Variants in GNAQ observed in about 807,000 individuals in gnomAD.
GNAQ encodes G protein subunit alpha q, also known as guanine nucleotide-binding protein G(q) subunit alpha.
In GNAQ, 8 loss-of-function variants were observed where a neutral mutation model predicts 43.9. The observed-to-expected ratio is 0.18, with a 90% CI of 0.11 to 0.33. The LOEUF (loss-of-function observed/expected upper bound fraction) is 0.33, where lower values mean the gene tolerates loss of function less well. GNAQ is among the 10% of genes least tolerant of loss of function. The pLI is 1.00. For synonymous variants in GNAQ, 155 were observed against 170.7 expected (o/e 0.91, Z 0.71); for missense variants, 158 against 450.8 (o/e 0.35, Z 5.88).
At chr9:77,888,181 A>G (rs1009850948) in intron 2 of GNAQ, among the ~76,000 whole-genome samples, 1 of 152,216 alleles carries the variant, frequency 6.6e-6, no homozygotes, top group Non-Finnish European at 1.5e-5. Context: ...TTAATTTCCA[A>G]TAACATAAAT....
At chr9:77,793,018 AT>A (rs1826600744) in intron 5 of GNAQ, among the ~76,000 whole-genome samples, 1 of 151,456 alleles carries the variant, frequency 6.6e-6, no homozygotes, top group African/African-American at 2.4e-5. Context: ...CCCTCAAAAT[AT>A]TTTTTTGTCT....
rs758736502 is a variant in GNAQ, at chr9:77,991,153, T to C, written c.136+39947A>G. On this transcript the variant is annotated intron_variant, in intron 1 of 6. Transcript: ENST00000286548. ...GTTTGAGCATATTTGCCATTTACAA[T>C]TGACATATCATTTGTTCACTCAGAG... Among the ~76,000 whole-genome samples, 9 of 152,320 alleles carry C rather than the reference T, an allele frequency of 5.9e-5. No homozygotes were observed. The South Asian group carries it at 1.2e-3, about 21-fold the overall frequency.
intron 1 of GNAQ, among the ~76,000 whole-genome samples, chr9:78,021,639 C>T (rs1422803101): frequency 1.3e-5 from 2 of 152,182 alleles, no homozygotes; most frequent in African/African-American, 2.4e-5. Flanking sequence ...ATGTGCCCTG[C>T]TGGGCATTCC....
intron 2 of GNAQ, among the ~76,000 whole-genome samples, chr9:77,870,332 T>TA (rs1333637535): frequency 2.0e-5 from 3 of 148,066 alleles, no homozygotes; most frequent in African/African-American, 7.5e-5. Flanking sequence ...TAGTTTTTTT[T>TA]TTTTTTTTTT....
intron 1 of GNAQ, among the ~76,000 whole-genome samples, chr9:78,016,256 C>T (rs1258849393): frequency 6.6e-6 from 1 of 152,184 alleles, no homozygotes; most frequent in African/African-American, 2.4e-5. Context: ...CCATTTAAAA[C>T]TGTTGCGCTT....
chr9:77,997,393 G>A (rs1276402363), intron 1 of GNAQ, among the ~76,000 whole-genome samples: 1 of 152,118 alleles, frequency 6.6e-6, no homozygotes, highest in African/African-American at 2.4e-5. Flanking sequence ...CTTAACTGCC[G>A]CTCTGTGACC....
At chr9:77,781,849 T>C (rs1826398659) in intron 5 of GNAQ, among the ~76,000 whole-genome samples, 1 of 152,116 alleles carries the variant, frequency 6.6e-6, no homozygotes, top group Non-Finnish European at 1.5e-5. Flanking sequence ...AAATTAGGAA[T>C]AGAAGAGAAC....
At chr9:77,789,298 G>T (rs1330743226) in intron 5 of GNAQ, among the ~76,000 whole-genome samples, 1 of 152,002 alleles carries the variant, frequency 6.6e-6, no homozygotes, top group Non-Finnish European at 1.5e-5. Context: ...TTCATCAAAA[G>T]ATACCATGAG....
intron 1 of GNAQ, among the ~76,000 whole-genome samples, chr9:77,933,629 C>T (rs749832671): frequency 1.6e-5 from 2 of 125,238 alleles, no homozygotes; most frequent in South Asian, 3.3e-4. Context: ...TGACAGAGTA[C>T]GACCCTGTCT....
intron 5 of GNAQ, among the ~76,000 whole-genome samples, chr9:77,750,416 T>A (rs1008286591): frequency 7.2e-5 from 11 of 152,162 alleles, no homozygotes; most frequent in Admixed American, 5.2e-4. Flanking sequence ...AATAAGAACA[T>A]TTTAAATGTA....
At chr9:77,845,044 G>A (rs1827560882) in intron 2 of GNAQ, among the ~76,000 whole-genome samples, 1 of 152,114 alleles carries the variant, frequency 6.6e-6, no homozygotes, top group African/African-American at 2.4e-5. Context: ...TACTATATAT[G>A]AAAGTTTCTA....
At chr9:77,937,810 T>C (rs1473803807) in intron 1 of GNAQ, among the ~76,000 whole-genome samples, 6 of 152,222 alleles carry the variant, frequency 3.9e-5, no homozygotes, top group Non-Finnish European at 7.3e-5. Flanking sequence ...GAGAATCCTT[T>C]GAACCTGGGA....
intron 5 of GNAQ, among the ~76,000 whole-genome samples, chr9:77,763,028 T>TGTTTA (rs1826075963): frequency 6.6e-6 from 1 of 151,838 alleles, no homozygotes; most frequent in African/African-American, 2.4e-5. Context: ...TCTGCTGACC[T>TGTTTA]TCCCTCCACT....
chr9:77,827,326 A>C (rs1016713915), intron 2 of GNAQ, among the ~76,000 whole-genome samples: 2 of 150,336 alleles, frequency 1.3e-5, no homozygotes, highest in African/African-American at 4.9e-5. Flanking sequence ...GAAAAGCTAA[A>C]GTGATTGGTG....
intron 2 of GNAQ, among the ~76,000 whole-genome samples, chr9:77,878,012 T>C (rs985516868): frequency 2.0e-5 from 3 of 152,192 alleles, no homozygotes; most frequent in African/African-American, 7.2e-5. Flanking sequence ...ACCATGTCCC[T>C]CTTTCCCACT....
chr9:78,025,781 A>T (rs557645929), intron 1 of GNAQ, among the ~76,000 whole-genome samples: 2 of 152,176 alleles, frequency 1.3e-5, no homozygotes, highest in African/African-American at 4.8e-5. Flanking sequence ...TTAACAGAAT[A>T]TTAGTAGAAT....
chr9:77,822,124 C>A (rs1054768981), intron 2 of GNAQ, among the ~76,000 whole-genome samples: 1 of 152,156 alleles, frequency 6.6e-6, no homozygotes, highest in African/African-American at 2.4e-5. Context: ...TAGAAAGGTG[C>A]TATAAATCCA....
chr9:77,912,676 T>C (rs1179819305), intron 2 of GNAQ, among the ~76,000 whole-genome samples: 1 of 152,032 alleles, frequency 6.6e-6, no homozygotes, highest in Non-Finnish European at 1.5e-5. Context: ...AAGGAACTCC[T>C]ACAAAACAAT....
chr9:77,845,915 G>A (rs149863543), intron 2 of GNAQ, among the ~76,000 whole-genome samples: 4 of 152,218 alleles, frequency 2.6e-5, no homozygotes, highest in Non-Finnish European at 5.9e-5. Flanking sequence ...CTTAAAGTGG[G>A]AGTCATGTCA....
Sources: gnomAD v4.1 joint callset for allele counts (sites outside exome capture counted in the v4.1 genomes callset) on GRCh38, gnomAD v4.1.1 for gene constraint, MANE v1.5 for transcripts, NCBI Gene and HGNC (gene_info 2026-07-23, HGNC 2026-07-21) for gene names.